UMAD1: variants seen among roughly 807,000 people sequenced by gnomAD.
The protein encoded by UMAD1 is UBAP1-MVB12-associated (UMA) domain containing 1.
Under a neutral mutation model 6.1 loss-of-function variants are expected in UMAD1, and 8 were observed. The ratio of observed to expected loss-of-function variants is 1.30; its 90% CI spans 0.76 to 2.35. UMAD1 has a LOEUF of 2.35. Among genes scored for constraint, UMAD1 ranks in the 30% most tolerant of loss-of-function variants. The pLI is 0.00. For synonymous variants in UMAD1, 56 were observed against 31.4 expected (o/e 1.78, Z -2.61); for missense variants, 130 against 78.4 (o/e 1.66, Z -2.49).
chr7:7,783,623 C>T (rs1018964839), intron 2 of UMAD1, among the ~76,000 whole-genome samples: 3 of 152,122 alleles, frequency 2.0e-5, no homozygotes, highest in East Asian at 1.9e-4. Flanking sequence ...AGCTTAAAAA[C>T]GAACTATTGG....
chr7:7,859,016 T>C (rs2115330687), intron 3 of UMAD1, among the ~76,000 whole-genome samples: 1 of 152,278 alleles, frequency 6.6e-6, no homozygotes, highest in Non-Finnish European at 1.5e-5. Context: ...CCCAGCAAAC[T>C]GAGGCCAGCA....
rs2115304369 is a variant in UMAD1, at chr7:7,830,550, G to C, written c.156+28807G>C. Among the ~76,000 whole-genome samples the C allele has an allele frequency of 6.7e-6, 1 of 149,552 alleles. No homozygotes were observed. Among genetic ancestry groups the C allele is most frequent in the South Asian group, 2.1e-4 (1 of 4,698 alleles). Reference sequence around the variant, plus strand: ...TTTAACATGCGTGTTTTTCTTCTTTGCTCTGGGTGCCCAAAAACTGTGAGC... The same window carrying C: ...TTTAACATGCGTGTTTTTCTTCTTTCCTCTGGGTGCCCAAAAACTGTGAGC... On this transcript the variant is annotated intron_variant, in intron 3 of 3. Transcript: ENST00000682710. This position sits in a 1 kb window ranked among gnomAD's most constrained non-coding sequence, Gnocchi z 5.3.
chr7:7,656,259 G>C (rs926622478), intron 1 of UMAD1, among the ~76,000 whole-genome samples: 2 of 152,064 alleles, frequency 1.3e-5, no homozygotes, highest in East Asian at 3.8e-4. Flanking sequence ...GGAGAAAAAA[G>C]AACAATGTAA....
intron 2 of UMAD1, among the ~76,000 whole-genome samples, chr7:7,675,624 A>T (rs1779719123): frequency 6.6e-6 from 1 of 152,132 alleles, no homozygotes; most frequent in Non-Finnish European, 1.5e-5. Context: ...AATTTCCGGG[A>T]CCTAATTACT....
chr7:7,694,445 T>C (rs1020044296), intron 2 of UMAD1, among the ~76,000 whole-genome samples: 4 of 152,164 alleles, frequency 2.6e-5, no homozygotes, highest in Non-Finnish European at 4.4e-5. Flanking sequence ...GTAGTCACCC[T>C]GTTGTGCTAT....
chr7:7,872,314 C>G (rs924441919), intron 3 of UMAD1, among the ~76,000 whole-genome samples: 2 of 152,108 alleles, frequency 1.3e-5, no homozygotes, highest in Admixed American at 6.5e-5. Context: ...AGCAGTATGT[C>G]TAAACAAATG....
intron 2 of UMAD1, among the ~76,000 whole-genome samples, chr7:7,693,820 AAC>A (rs1389958053): frequency 2.0e-5 from 3 of 152,194 alleles, no homozygotes; most frequent in Non-Finnish European, 2.9e-5. Context: ...TAATCATATT[AAC>A]ACTACTTACC....
At chr7:7,673,488 A>C (rs976708491) in intron 2 of UMAD1, 35 bp downstream of exon 2, 15 of 702,620 alleles carry the variant, frequency 2.1e-5, no homozygotes, top group African/African-American at 3.5e-5. Context: ...AATTAGATGA[A>C]TTATGTTCTC....
intron 1 of UMAD1, among the ~76,000 whole-genome samples, chr7:7,645,382 G>C (rs887283902): frequency 6.6e-6 from 1 of 152,292 alleles, no homozygotes; most frequent in South Asian, 2.1e-4. Context: ...TTATGTGGTA[G>C]TGCACTAAGA....
intron 3 of UMAD1, among the ~76,000 whole-genome samples, chr7:7,870,412 A>T (rs1379382304): frequency 6.6e-6 from 1 of 152,234 alleles, no homozygotes; most frequent in African/African-American, 2.4e-5. Context: ...TTAGTATTTG[A>T]ATTAATTTTC....
intron 1 of UMAD1, among the ~76,000 whole-genome samples, chr7:7,650,765 T>C (rs994774330): frequency 1.3e-5 from 2 of 152,214 alleles, no homozygotes; most frequent in African/African-American, 4.8e-5. Context: ...AATATCAGAC[T>C]GATCACTCTC....
rs6463721 is a variant in UMAD1, at chr7:7,781,492, T to C, written c.83-20178T>C. ...AATGTGGAAAAAAATGTCATATTTA[T>C]ATGTTTATAATCCTATCCAGAAATG... On this transcript the variant is annotated intron_variant, in intron 2 of 3. Coordinates refer to ENST00000682710, the MANE Select transcript of UMAD1 (RefSeq NM_001302348.2). 4.5e-3 allele frequency among the ~76,000 whole-genome samples: 680 copies of C among 152,202 alleles called. 10 individuals are homozygous for C. The highest frequency in any genetic ancestry group is 0.016 in the African/African-American group (650 of 41,560).
chr7:7,682,295 A>G (rs1779931763), intron 2 of UMAD1, among the ~76,000 whole-genome samples: 1 of 152,202 alleles, frequency 6.6e-6, no homozygotes, highest in Non-Finnish European at 1.5e-5. Flanking sequence ...GAAATATGTA[A>G]TTTAGTCTCA....
intron 3 of UMAD1, among the ~76,000 whole-genome samples, chr7:7,849,668 G>T (rs1203194500): frequency 6.6e-6 from 1 of 152,142 alleles, no homozygotes; most frequent in East Asian, 1.9e-4. Flanking sequence ...GCCTCATGGA[G>T]TTTACCATTT....
chr7:7,779,607 T>C (rs1410554764), intron 2 of UMAD1, among the ~76,000 whole-genome samples: 2 of 152,090 alleles, frequency 1.3e-5, no homozygotes, highest in Admixed American at 1.3e-4. Flanking sequence ...CCCGTTTTTT[T>C]CCTCTTCATT....
intron 2 of UMAD1, among the ~76,000 whole-genome samples, chr7:7,720,620 A>C (rs1333266413): frequency 2.0e-5 from 3 of 152,230 alleles, no homozygotes; most frequent in Non-Finnish European, 4.4e-5. Context: ...TGGTAATTAT[A>C]AAAAGACTTT....
At chr7:7,863,223 G>A (rs1438124707) in intron 3 of UMAD1, among the ~76,000 whole-genome samples, 1 of 152,210 alleles carries the variant, frequency 6.6e-6, no homozygotes, top group Non-Finnish European at 1.5e-5. Flanking sequence ...CTGCCAGTTA[G>A]TGGTGGTGTG....
intron 2 of UMAD1, among the ~76,000 whole-genome samples, chr7:7,706,392 G>A (rs1476601784): frequency 6.6e-6 from 1 of 152,028 alleles, no homozygotes; most frequent in Non-Finnish European, 1.5e-5. Flanking sequence ...AGAGAGAGAA[G>A]TTCAGGAAAT....
chr7:7,644,558 G>A (rs1386592168), intron 1 of UMAD1, among the ~76,000 whole-genome samples: 1 of 152,056 alleles, frequency 6.6e-6, no homozygotes, highest in African/African-American at 2.4e-5. Flanking sequence ...CACTCTTCAT[G>A]TATGTTGTCA....
Sources: gnomAD v4.1 joint callset for allele counts (sites outside exome capture counted in the v4.1 genomes callset) on GRCh38, gnomAD v4.1.1 for gene constraint, Gnocchi (gnomAD v3.1) non-coding constraint, MANE v1.5 for transcripts, NCBI Gene and HGNC (gene_info 2026-07-23, HGNC 2026-07-21) for gene names.